Variants in RPS6KA2 observed in about 807,000 individuals in gnomAD.
RPS6KA2 encodes the protein ribosomal protein S6 kinase A2, also known as ribosomal protein S6 kinase alpha-2.
Under a neutral mutation model 91.8 loss-of-function variants are expected in RPS6KA2, and 42 were observed. That is an observed-to-expected ratio of 0.46 (90% CI 0.36 to 0.59). The LOEUF (loss-of-function observed/expected upper bound fraction) is 0.59, where lower values mean the gene tolerates loss of function less well. Ranked by LOEUF, RPS6KA2 falls within the 20% of genes least tolerant of loss-of-function variation. The pLI is 0.00. For synonymous variants in RPS6KA2, 414 were observed against 393.6 expected (o/e 1.05, Z -0.61); for missense variants, 798 against 978.5 (o/e 0.82, Z 2.46).
chr6:166,637,189 C>T (rs1056697641), intron 2 of RPS6KA2, among the ~76,000 whole-genome samples: 3 of 152,164 alleles, frequency 2.0e-5, no homozygotes, highest in Non-Finnish European at 2.9e-5. Context: ...TGGAGGGGAA[C>T]GCGAGGAGGA....
intron 2 of RPS6KA2, among the ~76,000 whole-genome samples, chr6:166,634,838 G>A (rs1787184571): frequency 6.6e-6 from 1 of 152,070 alleles, no homozygotes; most frequent in Non-Finnish European, 1.5e-5. Flanking sequence ...CTGACCTCAA[G>A]TGGTCCGCCC....
intron 2 of RPS6KA2, among the ~76,000 whole-genome samples, chr6:166,536,260 CAGG>C (rs1213796486): frequency 1.3e-5 from 2 of 152,324 alleles, no homozygotes; most frequent in East Asian, 3.9e-4. Flanking sequence ...GGAGCGGAGG[CAGG>C]AGGTGGAAAC....
rs867740094 is a variant in RPS6KA2 at position 166,493,253 on chromosome 6, T to C, written c.748-2512A>G. Among the ~76,000 whole-genome samples, 1 of 151,752 alleles carries C rather than the reference T, an allele frequency of 6.6e-6. No individual in the cohort carries two copies. Among genetic ancestry groups the C allele is most frequent in the African/African-American group, 2.4e-5 (1 of 41,288 alleles). On this transcript the variant is annotated intron_variant, in intron 8 of 20. Coordinates refer to ENST00000265678, the MANE Select transcript of RPS6KA2 (RefSeq NM_021135.6). This position sits in a 1 kb window ranked among gnomAD's most constrained non-coding sequence, Gnocchi z 4.7. ...GGTGGGGATGATGCTGGGGCGGAGGTGTGGACTTTGCAGCCTCCACCAGCC... is the reference window on the plus strand; with the variant it reads ...GGTGGGGATGATGCTGGGGCGGAGGCGTGGACTTTGCAGCCTCCACCAGCC...
chr6:166,663,617 A>G (rs1788223936), intron 2 of RPS6KA2, among the ~76,000 whole-genome samples: 1 of 152,216 alleles, frequency 6.6e-6, no homozygotes, highest in Non-Finnish European at 1.5e-5. Context: ...TTCCTGTCGA[A>G]TAACTATTCC....
At position 166,412,542 on chromosome 6, in the gene RPS6KA2, GA is replaced by G; in HGVS notation, c.*219del. ...GGGGCGCATTTGGTTTCGCTTGGGA[GA>G]AAAGAGAGCGGGCGGGGAGGCTGGC... On this transcript the variant is annotated 3_prime_UTR_variant, in exon 21 of 21. Coordinates refer to ENST00000265678, the MANE Select transcript of RPS6KA2 (RefSeq NM_021135.6). This position sits in a 1 kb window ranked among gnomAD's most constrained non-coding sequence, Gnocchi z 4.3. 1 of 439,198 alleles carries G rather than the reference GA, an allele frequency of 2.3e-6. No individual in the cohort carries two copies. The highest frequency in any genetic ancestry group is 4.0e-6 in the Non-Finnish European group (1 of 249,460). 27.2% of individuals were successfully genotyped at this position (439,198 alleles called of 1,614,324 possible).
At chr6:166,765,603 C>T (rs189559180) in intron 2 of RPS6KA2, among the ~76,000 whole-genome samples, 1 of 152,336 alleles carries the variant, frequency 6.6e-6, no homozygotes, top group Admixed American at 6.5e-5. Flanking sequence ...CTCTTATTTT[C>T]TGAGACCTCG....
rs889608408 is a variant in RPS6KA2, at chr6:166,507,284, C to T, written c.459+919G>A. Among the ~76,000 whole-genome samples, 15 of 152,174 alleles carry T rather than the reference C, an allele frequency of 9.9e-5. No individual in the cohort carries two copies. The East Asian group carries it at 1.7e-3, about 18-fold the overall frequency. ...ACTTATGGTCCCAGAGCTGCAGGGG[C>T]GCTGCCAGGGCCACCTGGGACGATT... On this transcript the variant is annotated intron_variant, in intron 5 of 20. Coordinates refer to ENST00000265678, the MANE Select transcript of RPS6KA2 (RefSeq NM_021135.6).
intron 1 of RPS6KA2, among the ~76,000 whole-genome samples, chr6:166,559,520 G>A (rs1363497717): frequency 6.6e-6 from 1 of 152,182 alleles, no homozygotes; most frequent in African/African-American, 2.4e-5. Flanking sequence ...AGTTAATAAT[G>A]ACCATGCTGT....
chr6:166,746,629 T>C (rs963030212), intron 2 of RPS6KA2, among the ~76,000 whole-genome samples: 1 of 152,380 alleles, frequency 6.6e-6, no homozygotes, highest in East Asian at 1.9e-4. Context: ...TCACTTCAGA[T>C]GCCAGTCGTA....
At chr6:166,498,439 C>A (rs1170580247) in intron 8 of RPS6KA2, 69 bp downstream of exon 8, 52 of 1,511,414 alleles carry the variant, frequency 3.4e-5, no homozygotes, top group Non-Finnish European at 4.4e-5. Flanking sequence ...ACCTCTGAAC[C>A]AACCTGGGGA....
At chr6:166,570,707 G>A (rs1199472521) in intron 1 of RPS6KA2, among the ~76,000 whole-genome samples, 4 of 152,162 alleles carry the variant, frequency 2.6e-5, no homozygotes, top group Non-Finnish European at 4.4e-5. Flanking sequence ...GACAGTGAGT[G>A]CCACAGGGAA....
At chr6:166,548,060 C>T (rs1398045660) in intron 1 of RPS6KA2, among the ~76,000 whole-genome samples, 1 of 152,172 alleles carries the variant, frequency 6.6e-6, no homozygotes, top group East Asian at 1.9e-4. Flanking sequence ...ATGATCTATC[C>T]ACCAAATGAA....
intron 2 of RPS6KA2, among the ~76,000 whole-genome samples, chr6:166,656,903 G>T (rs1396746161): frequency 1.3e-5 from 2 of 152,192 alleles, no homozygotes; most frequent in Non-Finnish European, 2.9e-5. Context: ...TTGCGGCACT[G>T]GGGTTTGGTG....
intron 2 of RPS6KA2, among the ~76,000 whole-genome samples, chr6:166,839,309 G>C (rs956440311): frequency 2.6e-5 from 4 of 152,082 alleles, no homozygotes; most frequent in Non-Finnish European, 4.4e-5. Context: ...ATTTTATACT[G>C]TGATGATCAC....
chr6:166,643,395 C>T (rs2128550950), intron 2 of RPS6KA2, among the ~76,000 whole-genome samples: 1 of 152,160 alleles, frequency 6.6e-6, no homozygotes, highest in Admixed American at 6.5e-5. Flanking sequence ...ATAGATACAT[C>T]ATGCAAAAAC....
chr6:166,461,506 G>C (rs1780292315), intron 11 of RPS6KA2, among the ~76,000 whole-genome samples: 1 of 123,526 alleles, frequency 8.1e-6, no homozygotes, highest in African/African-American at 3.3e-5. Context: ...GGTGGAGAGA[G>C]AGAGAGAGAG....
At chr6:166,413,298 A>C (rs1182916609) in intron 20 of RPS6KA2, among the ~76,000 whole-genome samples, 2 of 152,168 alleles carry the variant, frequency 1.3e-5, no homozygotes, top group Non-Finnish European at 2.9e-5. Flanking sequence ...GCCACTGTTG[A>C]GGAGTCTGGA....
At chr6:166,824,747 G>C (rs1779996426) in intron 2 of RPS6KA2, among the ~76,000 whole-genome samples, 1 of 142,358 alleles carries the variant, frequency 7.0e-6, no homozygotes, top group South Asian at 2.3e-4. Context: ...GTGTATGTCT[G>C]TATGTCTGTG....
At chr6:166,598,932 T>C (rs28547380) in intron 1 of RPS6KA2, among the ~76,000 whole-genome samples, 1 of 152,066 alleles carries the variant, frequency 6.6e-6, no homozygotes, top group Non-Finnish European at 1.5e-5. Flanking sequence ...GTTGAAACAG[T>C]GGGGTGTCCG....
Sources: gnomAD v4.1 joint callset for allele counts (sites outside exome capture counted in the v4.1 genomes callset) on GRCh38, gnomAD v4.1.1 for gene constraint, Gnocchi (gnomAD v3.1) non-coding constraint, MANE v1.5 for transcripts, NCBI Gene and HGNC (gene_info 2026-07-23, HGNC 2026-07-21) for gene names.